Variants in GRIN3A observed in about 807,000 individuals in gnomAD.
GRIN3A encodes glutamate ionotropic receptor NMDA type subunit 3A, also known as glutamate receptor ionotropic, NMDA 3A.
GRIN3A carries 47 observed loss-of-function variants against 92.4 expected under a neutral mutation model. The ratio of observed to expected loss-of-function variants is 0.51; its 90% CI spans 0.40 to 0.65. The LOEUF is 0.65. Ranked by LOEUF, GRIN3A falls within the 30% of genes least tolerant of loss-of-function variation. The pLI is 0.00. For synonymous variants in GRIN3A, 527 were observed against 540.6 expected, an observed-to-expected ratio of 0.97 and a Z score of 0.35; for missense variants, 1,324 against 1,393.1, an observed-to-expected ratio of 0.95 and a Z score of 0.79.
intron 7 of GRIN3A, 134 bp downstream of exon 7, chr9:101,579,062 C>G: frequency 1.2e-6 from 1 of 860,840 alleles, no homozygotes; most frequent in Non-Finnish European, 1.9e-6. Context: ...TCCTTCTGCT[C>G]TAATGAGAGT....
chr9:101,639,417 T>C (rs1828825515), intron 3 of GRIN3A, among the ~76,000 whole-genome samples: 1 of 152,136 alleles, frequency 6.6e-6, no homozygotes, highest in Non-Finnish European at 1.5e-5. Flanking sequence ...ATAATTGACT[T>C]GCTATACAGC....
intron 5 of GRIN3A, among the ~76,000 whole-genome samples, chr9:101,618,511 C>T (rs1828500606): frequency 6.6e-6 from 1 of 152,090 alleles, no homozygotes; most frequent in Non-Finnish European, 1.5e-5. Flanking sequence ...CATCTCACAC[C>T]AGTTAGAATG....
chr9:101,637,171 C>T (rs1232842787), intron 3 of GRIN3A, among the ~76,000 whole-genome samples: 1 of 152,072 alleles, frequency 6.6e-6, no homozygotes, highest in Non-Finnish European at 1.5e-5. Context: ...CGGCTCACTG[C>T]AAGCTCCGCC....
intron 3 of GRIN3A, among the ~76,000 whole-genome samples, chr9:101,650,895 C>T (rs892641566): frequency 6.6e-6 from 1 of 151,944 alleles, no homozygotes; most frequent in Non-Finnish European, 1.5e-5. Context: ...CAGTAAGTAT[C>T]ACCTTTTTTC....
At chr9:101,722,444 G>C (rs367935095) in intron 1 of GRIN3A, among the ~76,000 whole-genome samples, 26 of 152,306 alleles carry the variant, frequency 1.7e-4, no homozygotes, top group African/African-American at 6.3e-4. Context: ...GGAGCTGTGA[G>C]AAGAGGGCCA....
At chr9:101,661,933 G>A (rs764745726) in intron 3 of GRIN3A, among the ~76,000 whole-genome samples, 1 of 151,722 alleles carries the variant, frequency 6.6e-6, no homozygotes, top group Admixed American at 6.6e-5. Context: ...TTTTAATTTA[G>A]CATTTCTTTA....
intron 6 of GRIN3A, 90 bp from the exon 7 acceptor site, chr9:101,579,450 A>AT: frequency 7.8e-6 from 10 of 1,289,982 alleles, no homozygotes; most frequent in East Asian, 2.4e-5. Flanking sequence ...ATGGATATTC[A>AT]TTTTTTCTGG....
intron 3 of GRIN3A, among the ~76,000 whole-genome samples, chr9:101,635,750 C>T (rs1420191918): frequency 6.6e-6 from 1 of 152,194 alleles, no homozygotes; most frequent in Admixed American, 6.5e-5. Flanking sequence ...ACTCTGGTCA[C>T]AAAATTTCAA....
intron 6 of GRIN3A, chr9:101,592,262 G>C (rs539752014): frequency 6.6e-6 from 1 of 152,230 alleles, no homozygotes; most frequent in South Asian, 2.1e-4. Flanking sequence ...TTTTAGAGTG[G>C]GTGTAGCTAA....
chr9:101,663,865 CTT>C (rs71356374), intron 3 of GRIN3A, among the ~76,000 whole-genome samples: 29,822 of 144,836 alleles, frequency 0.21, 3,203 homozygotes, highest in Non-Finnish European at 0.25. Flanking sequence ...TTTTCTTTTT[CTT>C]TTTTTTTTTT....
At chr9:101,594,375 A>T (rs1828078000) in intron 6 of GRIN3A, 1 of 1,552,482 alleles carries the variant, frequency 6.4e-7, no homozygotes, top group Admixed American at 1.9e-5. Context: ...GGAAGAAAGC[A>T]GAAGTTGTTG....
At chr9:101,597,487 A>G (rs759262252) in intron 6 of GRIN3A, among the ~76,000 whole-genome samples, 1 of 152,166 alleles carries the variant, frequency 6.6e-6, no homozygotes, top group African/African-American at 2.4e-5. Context: ...AGTTTTGCCA[A>G]CTGAATAGGC....
chr9:101,645,204 C>T (rs1341237060), intron 3 of GRIN3A, among the ~76,000 whole-genome samples: 2 of 151,780 alleles, frequency 1.3e-5, no homozygotes, highest in Non-Finnish European at 2.9e-5. Context: ...TCTCTGTCTC[C>T]GTGAAATCGA....
chr9:101,616,615 C>T (rs59550329), intron 5 of GRIN3A, among the ~76,000 whole-genome samples: 52 of 151,272 alleles, frequency 3.4e-4, no homozygotes, highest in African/African-American at 1.2e-3. Flanking sequence ...ACATCTCAAG[C>T]CTTTTTCTTT....
At chr9:101,656,401 T>G (rs1829088686) in intron 3 of GRIN3A, among the ~76,000 whole-genome samples, 1 of 151,900 alleles carries the variant, frequency 6.6e-6, no homozygotes, top group Non-Finnish European at 1.5e-5. Context: ...AGTATGGAAG[T>G]CAATGGAACA....
chr9:101,594,850 G>A (rs1588240780), intron 6 of GRIN3A: 3 of 1,606,364 alleles, frequency 1.9e-6, no homozygotes, highest in Non-Finnish European at 2.5e-6. Flanking sequence ...TAAACCTCCT[G>A]CCCAGCCTTT....
At chr9:101,736,704 T>G (rs2119051978) in intron 1 of GRIN3A, among the ~76,000 whole-genome samples, 1 of 152,330 alleles carries the variant, frequency 6.6e-6, no homozygotes, top group Admixed American at 6.5e-5. Context: ...TACCTATGGC[T>G]TCTGTACTAG....
chr9:101,606,275 C>A (rs1828280394), intron 6 of GRIN3A, among the ~76,000 whole-genome samples: 1 of 152,194 alleles, frequency 6.6e-6, no homozygotes, highest in African/African-American at 2.4e-5. Context: ...ATCTTTCTTC[C>A]TCCTGCTTTG....
Position 101,628,391 on chromosome 9 carries a change from G to A in GRIN3A, c.2363C>T (p.Pro788Leu). The A allele has an allele frequency of 1.2e-6, 2 of 1,613,564 alleles. No individual in the cohort carries two copies. The highest frequency in any genetic ancestry group is 1.7e-6 in the Non-Finnish European group (2 of 1,179,672). Reference protein sequence around the residue: ...SGIHDPKLHHPSQGFRFGTVR... With the variant: ...SGIHDPKLHHLSQGFRFGTVR... ...AGTTCCAAAGCGGAATCCTTGGGAA[G>A]GATGATGTAACTATGAGGGAGAAAA... is the stretch of plus-strand genomic sequence containing the variant. The change falls in exon 4 of 9, where the codon CCT becomes CTT. Residue 788 changes from proline to leucine, a missense_variant. Coordinates refer to ENST00000361820, the MANE Select transcript of GRIN3A (RefSeq NM_133445.3).
Sources: allele counts gnomAD v4.1 joint callset (sites outside exome capture counted in the v4.1 genomes callset), GRCh38; gene constraint gnomAD v4.1.1; transcripts MANE v1.5; gene names NCBI Gene and HGNC (gene_info 2026-07-23, HGNC 2026-07-21).